The following SHKBP1 variants were observed in gnomAD, a reference collection of about 807,000 sequenced individuals.
SHKBP1 encodes SH3KBP1 binding protein 1.
In SHKBP1, 71 loss-of-function variants were observed where a neutral mutation model predicts 83.9. The ratio of observed to expected loss-of-function variants is 0.85; its 90% CI spans 0.70 to 1.03. The LOEUF is 1.03. Among genes scored for constraint, SHKBP1 ranks in the 50% least tolerant of loss-of-function variants. The pLI, the probability that SHKBP1 is intolerant of heterozygous loss-of-function variation, is 0.00. For synonymous variants in SHKBP1, 371 were observed against 398.0 expected (o/e 0.93, Z 0.81); for missense variants, 824 against 982.4 (o/e 0.84, Z 2.16).
Position 40,576,999 on chromosome 19 carries a change from A to T in SHKBP1, c.86+14A>T, listed in dbSNP as rs1412817853. The T allele has an allele frequency of 6.7e-7, 1 of 1,491,074 alleles. No homozygotes were observed. Among genetic ancestry groups the T allele is most frequent in the East Asian group, 2.4e-5 (1 of 42,220 alleles). 92.4% of individuals were successfully genotyped at this position (1,491,074 alleles called of 1,614,324 possible). On this transcript the variant is annotated intron_variant, in intron 1 of 17. Transcript: ENST00000291842. ...GGGAGGCAAGAGGTGAGTGTGGGAG[A>T]CTCCTGAGGTCCCATCCTCGGGGGC...
At position 40,582,365 on chromosome 19, in the gene SHKBP1, G is replaced by A; in HGVS notation, c.859G>A (p.Gly287Arg). Reference sequence around the variant, plus strand: ...GCCCACTGCAGGGGTCTTTCATCTGGGGGTGCCTGTGGAGGCCTTGTTCTT... The same window carrying A: ...GCCCACTGCAGGGGTCTTTCATCTGAGGGTGCCTGTGGAGGCCTTGTTCTT... Reference protein sequence around the residue: ...GGSEIGVFHLGVPVEALFFVG... With the variant: ...GGSEIGVFHLRVPVEALFFVG... Residue 287 changes from glycine (G) to arginine (R), a missense_variant, in exon 10 of 18, where the codon GGG becomes AGG. Physicochemically the swap from Gly to Arg is moderately radical, Grantham distance 125 (BLOSUM62 -2). Transcript: ENST00000291842. 6 of 1,614,088 alleles carry A rather than the reference G, an allele frequency of 3.7e-6. No individual in the cohort carries two copies. Among genetic ancestry groups the A allele is most frequent in the Non-Finnish European group, 5.1e-6 (6 of 1,179,988 alleles).
intron 13 of SHKBP1, among the ~76,000 whole-genome samples, chr19:40,587,897 C>CT (rs1264364578): frequency 9.9e-5 from 15 of 152,226 alleles, no homozygotes; most frequent in Admixed American, 3.3e-4. Context: ...AAGCAAGACT[C>CT]TATCTCATAA....
At chr19:40,580,145 G>A in intron 6 of SHKBP1, 179 bp from the exon 7 acceptor site, 1 of 663,228 alleles carries the variant, frequency 1.5e-6, no homozygotes, top group Non-Finnish European at 2.5e-6. Flanking sequence ...AACTGAAAGG[G>A]AAGTAACTTG....
Position 40,586,897 on chromosome 19 carries a change from G to T in SHKBP1, c.1289G>T (p.Arg430Leu). ...CTCTTCCAGACCTTCACTGTGCACC[G>T]CAGCCCTGTCACCAAGATCATGCTG... is the stretch of plus-strand genomic sequence containing the variant. ...PQLFQTFTVH[R>L]SPVTKIMLSE... is the part of the protein sequence containing the mutation. The change falls in exon 13 of 18, where the codon CGC (arginine) becomes CTC (leucine). Residue 430 changes from arginine (R) to leucine (L), a missense_variant. Physicochemically the swap from Arg to Leu is moderately radical, Grantham distance 102. Around this residue, in one of 3 missense-constraint regions of SHKBP1, gnomAD observed 182 missense variants for 273.1 expected, o/e 0.67. Coordinates refer to ENST00000291842, the MANE Select transcript of SHKBP1 (RefSeq NM_138392.4). The T allele has an allele frequency of 6.2e-7, 1 of 1,610,596 alleles. No individual in the cohort carries two copies. Among genetic ancestry groups the T allele is most frequent in the South Asian group, 1.1e-5 (1 of 90,804 alleles).
Position 40,590,532 on chromosome 19 carries a change from T to C in SHKBP1, c.1768+110T>C. On this transcript the variant is annotated intron_variant, in intron 16 of 17. Transcript: ENST00000291842. The surrounding 1 kb of genome is among the most constrained non-coding windows in gnomAD (Gnocchi z 4.6). Reference sequence around the variant, plus strand: ...TCCCAGGCCCTTGCCCTCTGACCCCTTTTCCTTTGACCCCCTCTCTGCTCC... The same window carrying C: ...TCCCAGGCCCTTGCCCTCTGACCCCCTTTCCTTTGACCCCCTCTCTGCTCC... 4 of 1,349,992 alleles carry C rather than the reference T, an allele frequency of 3.0e-6. No homozygotes were observed. The highest frequency in any genetic ancestry group is 2.8e-5 in the South Asian group (2 of 71,866). 83.6% of individuals were successfully genotyped at this position (1,349,992 alleles called of 1,614,324 possible).
rs551870431 is a variant in SHKBP1, at chr19:40,582,518, C to T, written c.960+52C>T. ...CCCCTTCCCAGTTTTCCAGACTGTACAGACCCAGGAAGGGGTTCACGTCTG... is the reference window on the plus strand; with the variant it reads ...CCCCTTCCCAGTTTTCCAGACTGTATAGACCCAGGAAGGGGTTCACGTCTG... On this transcript the variant is annotated intron_variant, in intron 10 of 17. Transcript: ENST00000291842. The T allele has an allele frequency of 3.0e-5, 45 of 1,517,550 alleles. 1 individual carries two copies. In the South Asian group the frequency reaches 4.5e-4, roughly 15 times the overall value. 94.0% of individuals were successfully genotyped at this position (1,517,550 alleles called of 1,614,324 possible).
Position 40,588,690 on chromosome 19 carries a change from A to G in SHKBP1, c.1403A>G (p.Gln468Arg). The G allele has an allele frequency of 6.2e-7, 1 of 1,614,142 alleles. No individual in the cohort carries two copies. Among genetic ancestry groups the G allele is most frequent in the Non-Finnish European group, 8.5e-7 (1 of 1,180,008 alleles). Reference sequence around the variant, plus strand: ...CGCTTCCGCGGCATGATTTCCACCCAGCCCGGCTCCACCCCACTCGCTTCC... The same window carrying G: ...CGCTTCCGCGGCATGATTTCCACCCGGCCCGGCTCCACCCCACTCGCTTCC... ...VTRFRGMIST[Q>R]PGSTPLASFK... Residue 468 changes from glutamine (Q) to arginine (R), a missense_variant, in exon 14 of 18, where the codon CAG becomes CGG. Gln to Arg is a conservative substitution (Grantham distance 43). Transcript: ENST00000291842.
intron 6 of SHKBP1, 61 bp downstream of exon 6, chr19:40,578,603 A>G: frequency 6.7e-7 from 1 of 1,483,896 alleles, no homozygotes; most frequent in South Asian, 1.1e-5. Context: ...ATTTCCCATA[A>G]GGCTGCAGCT....
At position 40,590,210 on chromosome 19, in the gene SHKBP1, C is replaced by T. The variant is rs117030537; in HGVS notation, c.1590-34C>T. 0.012 allele frequency: 18,576 copies of T among 1,516,532 alleles called. 149 individuals carry two copies. The highest frequency in any genetic ancestry group is 0.018 in the Admixed American group (889 of 49,338). The allele number at this position is 1,516,532 out of a possible 1,614,324, so 93.9% of individuals were successfully genotyped here. A position where few individuals can be genotyped will look rare whatever the true frequency, so the allele number is the denominator to read the frequency against. The stretch of plus-strand genomic sequence containing the variant: ...ACTGGGACGAGGAAGGGTGAGAAAG[C>T]GAGGGTGACCACCTCCCCCACTGCA... On this transcript the variant is annotated intron_variant, in intron 15 of 17. Transcript: ENST00000291842. The surrounding 1 kb of genome is among the most constrained non-coding windows in gnomAD (Gnocchi z 4.6).
At chr19:40,587,065 G>A (rs2145992655) in intron 13 of SHKBP1, 121 bp downstream of exon 13, 1 of 908,010 alleles carries the variant, frequency 1.1e-6, no homozygotes, top group Non-Finnish European at 1.7e-6. Context: ...CTGGCGGAGA[G>A]GATTGACCTG....
intron 12 of SHKBP1, among the ~76,000 whole-genome samples, chr19:40,586,445 C>T (rs2081312720): frequency 6.6e-6 from 1 of 151,604 alleles, no homozygotes; most frequent in South Asian, 2.1e-4. Flanking sequence ...TGGCTCATTG[C>T]AACCTCTGCC....
In SHKBP1 at chr19:40,590,269, G is replaced by A. The variant is rs376159277; in HGVS notation, c.1615G>A (p.Gly539Ser). 19 of 1,603,190 alleles carry A rather than the reference G, an allele frequency of 1.2e-5. No individual in the cohort carries two copies. Among genetic ancestry groups the A allele is most frequent in the East Asian group, 4.5e-5 (2 of 44,406 alleles). ...GGTGTGCTCCGTGCGCTCCGTGGAC[G>A]GCTCACCCACGACAGCCTTCACAGT... ...QRVCSVRSVDGSPTTAFTVLE... is the reference protein window; with the variant it reads ...QRVCSVRSVDSSPTTAFTVLE... Residue 539 changes from glycine to serine, a missense_variant, in exon 16 of 18, where the codon GGC becomes AGC. Physicochemically the swap from Gly to Ser is moderately conservative, Grantham distance 56. Around this residue, in one of 3 missense-constraint regions of SHKBP1, gnomAD observed 287 missense variants for 322.9 expected, o/e 0.89. Transcript: ENST00000291842. This position sits in a 1 kb window ranked among gnomAD's most constrained non-coding sequence, Gnocchi z 4.6.
chr19:40,577,486 T>C, intron 3 of SHKBP1, 45 bp downstream of exon 3: 1 of 1,613,756 alleles, frequency 6.2e-7, no homozygotes, highest in Non-Finnish European at 8.5e-7. Context: ...GAGGGGTTGG[T>C]AGGAAGAGGG....
chr19:40,577,107 C>T, intron 1 of SHKBP1, 122 bp downstream of exon 1: 1 of 1,333,684 alleles, frequency 7.5e-7, no homozygotes, highest in East Asian at 2.4e-5. Context: ...CCTTTGGAGG[C>T]GCGAGATTCT....
At position 40,590,484 on chromosome 19, in the gene SHKBP1, C is replaced by T; in HGVS notation, c.1768+62C>T. ...CACAGCCTCACCCAGAACCACTCTC[C>T]ACTGCCAACTGCTTGATCTCTCTCC... On this transcript the variant is annotated intron_variant, in intron 16 of 17. Coordinates refer to ENST00000291842, the MANE Select transcript of SHKBP1 (RefSeq NM_138392.4). This position sits in a 1 kb window ranked among gnomAD's most constrained non-coding sequence, Gnocchi z 4.6. The T allele has an allele frequency of 2.6e-6, 4 of 1,519,844 alleles. No homozygotes were observed. The highest frequency in any genetic ancestry group is 1.3e-5 in the South Asian group (1 of 79,958). The allele number at this position is 1,519,844 out of a possible 1,614,324, so 94.1% of individuals were successfully genotyped here.
At chr19:40,578,617 G>A (rs1017678512) in intron 6 of SHKBP1, 75 bp downstream of exon 6, 30 of 1,365,642 alleles carry the variant, frequency 2.2e-5, no homozygotes, top group South Asian at 2.0e-4. Flanking sequence ...TGCAGCTCTC[G>A]GGTGCCTGTG....
chr19:40,583,465 A>G lies in SHKBP1; in HGVS notation c.1028A>G (p.Asn343Ser). 1 of 1,611,144 alleles carries G rather than the reference A, an allele frequency of 6.2e-7. No homozygotes were observed. The highest frequency in any genetic ancestry group is 8.5e-7 in the Non-Finnish European group (1 of 1,178,768). The change falls in exon 11 of 18, where the codon AAC (asparagine) becomes AGC (serine). Residue 343 changes from asparagine to serine, a missense_variant. This residue lies in a region of SHKBP1 where 182 missense variants were observed against 273.1 expected (regional missense o/e 0.67). Coordinates refer to ENST00000291842, the MANE Select transcript of SHKBP1 (RefSeq NM_138392.4). Reference sequence around the variant, plus strand: ...TCCTTCCTCCTCCTGGGCTGCAACAACGGCTCCATTTACTACGTGGGTGAG... The same window carrying G: ...TCCTTCCTCCTCCTGGGCTGCAACAGCGGCTCCATTTACTACGTGGGTGAG... ...AGSFLLLGCN[N>S]GSIYYVDVQK...
chr19:40,587,984 G>C (rs1424781190), intron 13 of SHKBP1, among the ~76,000 whole-genome samples: 1 of 152,258 alleles, frequency 6.6e-6, no homozygotes, highest in African/African-American at 2.4e-5. Context: ...TGTGTGGCTA[G>C]AGAGTGTCAA....
At position 40,580,473 on chromosome 19, in the gene SHKBP1, C is replaced by T. The variant is rs1183860882; in HGVS notation, c.550C>T (p.Pro184Ser). 6.2e-7 allele frequency: 1 copy of T among 1,611,868 alleles called. No homozygotes were observed. The highest frequency in any genetic ancestry group is 1.1e-5 in the South Asian group (1 of 90,972). ...CCGAATGCTGGATGAGAAAACCCCT[C>T]CCTCACCCTCAGGTACGTTTCTATC... ...LGRMLDEKTP[P>S]SPSGQPEEPG... Residue 184 changes from proline (P) to serine (S), a missense_variant, in exon 7 of 18, where the codon CCC (proline) becomes TCC (serine). By Grantham distance (74) the Pro-to-Ser change is moderately conservative (BLOSUM62 -1). This residue lies in a region of SHKBP1 where 355 missense variants were observed against 386.4 expected (regional missense o/e 0.92). Transcript: ENST00000291842.
Sources: gnomAD v4.1 joint callset for allele counts (sites outside exome capture counted in the v4.1 genomes callset) on GRCh38, gnomAD v4.1.1 for gene constraint, gnomAD v4.1.1 regional missense constraint, Gnocchi (gnomAD v3.1) non-coding constraint, MANE v1.5 for transcripts, NCBI Gene and HGNC (gene_info 2026-07-23, HGNC 2026-07-21) for gene names.